The following KDM8 variants were observed in gnomAD, a reference collection of about 807,000 sequenced individuals.
KDM8 encodes lysine demethylase 8.
In KDM8, 35 loss-of-function variants were observed where a neutral mutation model predicts 46.9. That is an observed-to-expected ratio of 0.75 (90% CI 0.57 to 0.99). The LOEUF is 0.99. KDM8 is among the 50% of genes least tolerant of loss of function. The pLI, the probability that KDM8 is intolerant of heterozygous loss-of-function variation, is 0.00. For synonymous variants in KDM8, 232 were observed against 227.7 expected (o/e 1.02, Z -0.17); for missense variants, 475 against 537.0 (o/e 0.88, Z 1.14).
At chr16:27,212,052 A>G (rs1328155157) in intron 2 of KDM8, among the ~76,000 whole-genome samples, 6 of 152,174 alleles carry the variant, frequency 3.9e-5, no homozygotes, top group African/African-American at 1.2e-4. Flanking sequence ...GGAGAAGAAA[A>G]TTTTTCCACA....
chr16:27,216,015 C>G (rs970307460), intron 5 of KDM8, 26 bp downstream of exon 5: 2 of 1,613,210 alleles, frequency 1.2e-6, no homozygotes, highest in African/African-American at 2.7e-5. Context: ...CGCACCTCTG[C>G]CCCTCACCGT....
intron 1 of KDM8, chr16:27,206,127 C>T (rs1013576149): frequency 1.0e-5 from 6 of 587,190 alleles, no homozygotes; most frequent in South Asian, 7.6e-5. Context: ...GTAGAGCTCT[C>T]GAAGGCCAGT....
At chr16:27,218,833 C>A in intron 5 of KDM8, 128 bp from the exon 6 acceptor site, 1 of 1,093,562 alleles carries the variant, frequency 9.1e-7, no homozygotes. Context: ...AGAAACAGAG[C>A]CAGACCCTGT....
chr16:27,205,538 AAAAT>A (rs1243285153), intron 1 of KDM8, among the ~76,000 whole-genome samples: 8 of 152,098 alleles, frequency 5.3e-5, no homozygotes, highest in African/African-American at 7.2e-5. Flanking sequence ...CCTCCCCACA[AAAAT>A]AAATAAAGCC....
intron 1 of KDM8, among the ~76,000 whole-genome samples, chr16:27,207,694 C>A (rs1050616691): frequency 1.3e-5 from 2 of 152,238 alleles, no homozygotes; most frequent in Non-Finnish European, 2.9e-5. Context: ...AATCTTCCTG[C>A]TTCAGCTCCC....
At chr16:27,217,353 A>G (rs2083566935) in intron 5 of KDM8, among the ~76,000 whole-genome samples, 1 of 152,178 alleles carries the variant, frequency 6.6e-6, no homozygotes. Flanking sequence ...GGGTCTCTGC[A>G]TCCTCGGCCA....
chr16:27,213,096 T>A (rs931013110), intron 2 of KDM8, among the ~76,000 whole-genome samples: 1 of 152,180 alleles, frequency 6.6e-6, no homozygotes, highest in Admixed American at 6.6e-5. Flanking sequence ...GTGCAGCCAC[T>A]CCTAAGAAAC....
At chr16:27,220,314 A>G in intron 6 of KDM8, 79 bp from the exon 7 acceptor site, 1 of 1,189,498 alleles carries the variant, frequency 8.4e-7, no homozygotes, top group Non-Finnish European at 1.3e-6. Flanking sequence ...CAGCATGTGG[A>G]AGGGCACAGA....
At chr16:27,219,190 A>G in intron 6 of KDM8, 80 bp downstream of exon 6, 1 of 1,391,672 alleles carries the variant, frequency 7.2e-7, no homozygotes, top group Non-Finnish European at 9.7e-7. Context: ...CTGCCTTTAA[A>G]CACCGGGCTC....
chr16:27,207,370 C>T (rs2083439048), intron 1 of KDM8, among the ~76,000 whole-genome samples: 1 of 152,242 alleles, frequency 6.6e-6, no homozygotes, highest in Non-Finnish European at 1.5e-5. Context: ...GATCGCATCA[C>T]TGCACTCCAG....
At chr16:27,218,445 G>C (rs1384721290) in intron 5 of KDM8, among the ~76,000 whole-genome samples, 2 of 152,164 alleles carry the variant, frequency 1.3e-5, no homozygotes, top group East Asian at 3.9e-4. Flanking sequence ...CACAGACCCA[G>C]GCCCACACCT....
At chr16:27,210,831 C>T (rs887110521) in intron 2 of KDM8, among the ~76,000 whole-genome samples, 5 of 151,864 alleles carry the variant, frequency 3.3e-5, no homozygotes, top group African/African-American at 9.7e-5. Context: ...AGTGTGATCT[C>T]GGCTCCTTGC....
chr16:27,203,811 A>G, intron 1 of KDM8, 175 bp downstream of exon 1: 1 of 396,112 alleles, frequency 2.5e-6, no homozygotes, highest in Non-Finnish European at 4.6e-6. Flanking sequence ...CTGAGAATGC[A>G]ATTTAGCTCG....
chr16:27,213,302 G>A (rs972871823), intron 2 of KDM8: 2 of 322,882 alleles, frequency 6.2e-6, no homozygotes, highest in African/African-American at 4.3e-5. Flanking sequence ...CCTTAAGATG[G>A]TGAAGTTGGA....
In KDM8 at chr16:27,218,990, C is replaced by T. The variant is rs751583747; in HGVS notation, c.873C>T (p.Ile291=). 15 of 1,614,018 alleles carry T rather than the reference C, an allele frequency of 9.3e-6. No individual in the cohort carries two copies. In the Admixed American group the frequency reaches 2.2e-4, roughly 23 times the overall value. The part of the protein sequence containing the change: ...QIPELKQDIS[I]PDYCSLGDGE... ...CGGAGTTGAAGCAGGACATCAGCAT[C>T]CCCGACTACTGCAGCCTGGGCGATG... The change falls in exon 6 of 8, where the codon ATC becomes ATT. Residue 291 remains isoleucine, a synonymous_variant. Transcript: ENST00000286096.
intron 2 of KDM8, among the ~76,000 whole-genome samples, chr16:27,212,321 G>A (rs573762230): frequency 6.3e-4 from 96 of 152,332 alleles, no homozygotes; most frequent in Non-Finnish European, 4.7e-4. Context: ...TATGATACCC[G>A]GTGTTGCCAA....
chr16:27,215,062 C>T, intron 4 of KDM8, 54 bp downstream of exon 4: 1 of 1,592,088 alleles, frequency 6.3e-7, no homozygotes, highest in Non-Finnish European at 8.6e-7. Context: ...GAGCATAGTA[C>T]ATTTAGGCAA....
At position 27,215,957 on chromosome 16, in the gene KDM8, G is replaced by A. The variant is rs370340722; in HGVS notation, c.811G>A (p.Gly271Arg). The A allele has an allele frequency of 2.2e-5, 36 of 1,614,014 alleles. No homozygotes were observed. The highest frequency in any genetic ancestry group is 3.0e-5 in the Non-Finnish European group (35 of 1,180,034). The change falls in exon 5 of 8, where the codon GGG becomes AGG. Residue 271 changes from glycine (G) to arginine (R), a missense_variant. Physicochemically the swap from Gly to Arg is moderately radical, Grantham distance 125 (BLOSUM62 -2). Coordinates refer to ENST00000286096, the MANE Select transcript of KDM8 (RefSeq NM_024773.3). ...KYIVNEPRDVGYLAQHQLFDQ... is the reference protein window; with the variant it reads ...KYIVNEPRDVRYLAQHQLFDQ... ...CCCGGTGGATTAGCCAAGGGACGTC[G>A]GGTACCTTGCTCAGCACCAGCTCTT...
intron 2 of KDM8, among the ~76,000 whole-genome samples, chr16:27,213,069 T>C (rs1406292230): frequency 6.6e-6 from 1 of 152,094 alleles, no homozygotes; most frequent in Non-Finnish European, 1.5e-5. Flanking sequence ...AGCTGGGAGA[T>C]GGTTAAGGAA....
Sources: allele counts gnomAD v4.1 joint callset (sites outside exome capture counted in the v4.1 genomes callset), GRCh38; gene constraint gnomAD v4.1.1; transcripts MANE v1.5; gene names NCBI Gene and HGNC (gene_info 2026-07-23, HGNC 2026-07-21).